The following KATNAL2 variants were observed in gnomAD, a reference collection of about 807,000 sequenced individuals.
KATNAL2 encodes the protein katanin p60 ATPase-containing subunit A-like 2.
A neutral mutation model predicts 76.3 loss-of-function variants in KATNAL2; 52 were observed. The observed-to-expected ratio is 0.68, with a 90% CI of 0.55 to 0.86. The LOEUF is 0.86. Among genes scored for constraint, KATNAL2 ranks in the 40% least tolerant of loss-of-function variants. The pLI, the probability that KATNAL2 is intolerant of heterozygous loss-of-function variation, is 0.00. For synonymous variants in KATNAL2, 243 were observed against 244.2 expected (o/e 1.00, Z 0.05); for missense variants, 660 against 668.9 (o/e 0.99, Z 0.15).
At chr18:46,924,848 A>G (rs369648386) in intron 1 of KATNAL2, among the ~76,000 whole-genome samples, 78 of 152,320 alleles carry the variant, frequency 5.1e-4, no homozygotes, top group East Asian at 3.3e-3. Flanking sequence ...CTTTGAAGCA[A>G]TTGTGAATGG....
rs1437647848 is a variant in KATNAL2 at position 47,032,912 on chromosome 18, G to T, written c.52-13545G>T. 4 of 1,605,782 alleles carry T rather than the reference G, an allele frequency of 2.5e-6. 1 individual carries two copies. Among genetic ancestry groups the T allele is most frequent in the South Asian group, 2.2e-5 (2 of 90,188 alleles). On this transcript the variant is annotated intron_variant, in intron 3 of 17. Coordinates refer to ENST00000683218, the MANE Select transcript of KATNAL2 (RefSeq NM_001387690.1). The stretch of plus-strand genomic sequence containing the variant: ...AACTTTGCACCAAGTTAAAGGTTCT[G>T]GTGTCCATTGGAAGTTTCGTTCCCC...
chr18:46,951,604 T>C (rs936332368), intron 3 of KATNAL2, among the ~76,000 whole-genome samples: 4 of 151,924 alleles, frequency 2.6e-5, no homozygotes, highest in Admixed American at 6.6e-5. Flanking sequence ...ATCCCTCTTG[T>C]AGTGAAACAT....
intron 3 of KATNAL2, among the ~76,000 whole-genome samples, chr18:47,031,447 G>T (rs1800544509): frequency 6.6e-6 from 1 of 151,990 alleles, no homozygotes; most frequent in Non-Finnish European, 1.5e-5. Flanking sequence ...TGTGGTGGGG[G>T]CGGGGTGTGT....
intron 4 of KATNAL2, among the ~76,000 whole-genome samples, chr18:47,048,707 T>G (rs2061241317): frequency 6.6e-6 from 1 of 151,976 alleles, no homozygotes. Flanking sequence ...GGCACTTAAG[T>G]AAAGTAACCC....
At chr18:47,052,533 A>T (rs1433299499) in intron 4 of KATNAL2, among the ~76,000 whole-genome samples, 1 of 152,240 alleles carries the variant, frequency 6.6e-6, no homozygotes, top group Admixed American at 6.5e-5. Context: ...GTTTGGGCAG[A>T]TACCCATTTT....
rs866641702 is a variant in KATNAL2, at chr18:46,965,712, A to G, written c.51+18789A>G. 7.8e-3 allele frequency among the ~76,000 whole-genome samples: 1,022 copies of G among 131,610 alleles called. 4 individuals carry two copies. Among genetic ancestry groups the G allele is most frequent in the African/African-American group, 0.027 (975 of 35,936 alleles). 86.3% of individuals were successfully genotyped at this position (131,610 alleles called of 152,430 possible). On this transcript the variant is annotated intron_variant, in intron 3 of 17. Transcript: ENST00000683218. ...TTGGTCTTCAGGATCCTGCCGGTAG[A>G]GCCAGGTTTCATCTCCTGTGACCAA...
chr18:47,032,970 C>G, intron 3 of KATNAL2: 2 of 1,613,624 alleles, frequency 1.2e-6, no homozygotes, highest in Non-Finnish European at 1.7e-6. Flanking sequence ...GCAAAAATCC[C>G]CCCAGATTTT....
chr18:47,080,986 T>C (rs563473044), intron 15 of KATNAL2, among the ~76,000 whole-genome samples: 3 of 150,928 alleles, frequency 2.0e-5, no homozygotes, highest in Admixed American at 6.6e-5. Flanking sequence ...CTTCCTTCCT[T>C]CCTCCCTCCC....
chr18:47,083,879 T>C (rs2062644602), intron 15 of KATNAL2, among the ~76,000 whole-genome samples: 2 of 152,248 alleles, frequency 1.3e-5, no homozygotes, highest in Admixed American at 1.3e-4. Flanking sequence ...TGGGAGTTTG[T>C]ACAAATAAGG....
At chr18:47,071,682 G>C (rs2062007340) in intron 13 of KATNAL2, among the ~76,000 whole-genome samples, 2 of 152,052 alleles carry the variant, frequency 1.3e-5, no homozygotes, top group Non-Finnish European at 2.9e-5. Flanking sequence ...GACTTACCTA[G>C]ACAGAAGAGG....
chr18:47,057,246 A>G (rs1390172376), intron 6 of KATNAL2, among the ~76,000 whole-genome samples: 1 of 152,224 alleles, frequency 6.6e-6, no homozygotes, highest in Non-Finnish European at 1.5e-5. Flanking sequence ...CCTTCTGCAA[A>G]TGCATCTCAC....
chr18:47,055,797 G>A (rs2061456060), intron 6 of KATNAL2, among the ~76,000 whole-genome samples: 1 of 152,188 alleles, frequency 6.6e-6, no homozygotes, highest in Non-Finnish European at 1.5e-5. Flanking sequence ...CTCTGTGAGT[G>A]AATGGTGTCA....
intron 15 of KATNAL2, among the ~76,000 whole-genome samples, chr18:47,086,290 T>C (rs2062768358): frequency 6.6e-6 from 1 of 152,202 alleles, no homozygotes; most frequent in African/African-American, 2.4e-5. Context: ...TCATTGCAAT[T>C]GCCTTCAGTC....
intron 3 of KATNAL2, among the ~76,000 whole-genome samples, chr18:47,038,244 G>C (rs2060847967): frequency 6.6e-6 from 1 of 152,194 alleles, no homozygotes; most frequent in African/African-American, 2.4e-5. Context: ...TTAGACCTCT[G>C]TCTCAAGAAT....
At chr18:47,035,048 A>G in intron 3 of KATNAL2, 1 of 1,611,706 alleles carries the variant, frequency 6.2e-7, no homozygotes, top group Non-Finnish European at 8.5e-7. Flanking sequence ...AGCTTCTTCC[A>G]CCGGGCCGCT....
intron 3 of KATNAL2, among the ~76,000 whole-genome samples, chr18:46,956,500 A>G (rs2059751464): frequency 6.6e-6 from 1 of 152,180 alleles, no homozygotes; most frequent in African/African-American, 2.4e-5. Context: ...TTTTCTGACC[A>G]GCCCCTTTAC....
rs2061527036 is a variant in KATNAL2, at chr18:47,058,253, T to C, written c.351T>C (p.Cys117=). 1.2e-6 allele frequency: 2 copies of C among 1,613,634 alleles called. No homozygotes were observed. The highest frequency in any genetic ancestry group is 4.5e-5 in the East Asian group (2 of 44,880). ...GKTRRMMNDS[C]QNLPKINQQR... is the part of the protein sequence containing the mutation. ...CCCTTAGGATGATGAACGACAGTTG[T>C]CAAAATCTTCCCAAGATCAATCAGC... Residue 117 remains cysteine (C), a synonymous_variant, in exon 7 of 18, where the codon TGT becomes TGC. Coordinates refer to ENST00000683218, the MANE Select transcript of KATNAL2 (RefSeq NM_001387690.1).
At chr18:46,966,258 T>C (rs1178754139) in intron 3 of KATNAL2, among the ~76,000 whole-genome samples, 2 of 110,754 alleles carry the variant, frequency 1.8e-5, no homozygotes, top group South Asian at 3.0e-4. Context: ...GGAGGAGAAT[T>C]GAGCTGTCCT....
intron 4 of KATNAL2, among the ~76,000 whole-genome samples, chr18:47,050,162 C>G (rs1002825288): frequency 2.0e-5 from 3 of 152,104 alleles, no homozygotes; most frequent in Non-Finnish European, 4.4e-5. Flanking sequence ...CTGGCATGAA[C>G]CACCATGCCT....
Sources: allele counts gnomAD v4.1 joint callset (sites outside exome capture counted in the v4.1 genomes callset), GRCh38; gene constraint gnomAD v4.1.1; transcripts MANE v1.5; gene names NCBI Gene and HGNC (gene_info 2026-07-23, HGNC 2026-07-21).